The following AGBL5 variants were observed in gnomAD, a reference collection of about 807,000 sequenced individuals.
The protein encoded by AGBL5 is AGBL carboxypeptidase 5.
A neutral mutation model predicts 88.0 loss-of-function variants in AGBL5; 51 were observed. That is an observed-to-expected ratio of 0.58 (90% CI 0.46 to 0.73). AGBL5 has a LOEUF of 0.73. Ranked by LOEUF, AGBL5 falls within the 30% of genes least tolerant of loss-of-function variation. AGBL5 has a pLI of 0.00. For missense variants in AGBL5, 1,031 were observed against 1,162.2 expected, an observed-to-expected ratio of 0.89 and a Z score of 1.64; for synonymous variants, 446 against 438.8, an observed-to-expected ratio of 1.02 and a Z score of -0.21.
chr2:27,069,325 C>A, intron 13 of AGBL5: 1 of 985,398 alleles, frequency 1.0e-6, no homozygotes, highest in Non-Finnish European at 1.2e-6. Flanking sequence ...CATGGTGTAG[C>A]CATGGCGGTT....
chr2:27,050,838 C>T (rs1015681165), upstream of AGBL5, among the ~76,000 whole-genome samples: 4 of 152,308 alleles, frequency 2.6e-5, no homozygotes, highest in Middle Eastern at 3.4e-3. Context: ...CGTGGCAATC[C>T]TTAGGTCGCT....
At chr2:27,070,004 A>G in intron 14 of AGBL5, 88 bp from the exon 15 acceptor site, 1 of 1,537,792 alleles carries the variant, frequency 6.5e-7, no homozygotes, top group East Asian at 2.3e-5. Flanking sequence ...ATCTCGCTCC[A>G]CTTCTTTCAC....
chr2:27,055,149 C>T lies in AGBL5; in HGVS notation c.804C>T (p.Phe268=). 1 of 1,614,224 alleles carries T rather than the reference C, an allele frequency of 6.2e-7. No homozygotes were observed. Among genetic ancestry groups the T allele is most frequent in the Non-Finnish European group, 8.5e-7 (1 of 1,180,032 alleles). ...SSFVFNGFLD[F]ILRPDDPRAQ... is the part of the protein sequence containing the mutation. ...TTGTCTTCAATGGCTTTCTGGACTT[C>T]ATCCTCCGACCTGATGATCCCCGGG... The change falls in exon 6 of 15, where the codon TTC becomes TTT. Residue 268 remains phenylalanine (F), a synonymous_variant. Transcript: ENST00000360131.
chr2:27,070,258 G>A lies in AGBL5; in HGVS notation c.2656G>A (p.Val886Ile), dbSNP rs778560512. The A allele has an allele frequency of 1.2e-6, 2 of 1,614,162 alleles. No individual in the cohort carries two copies. The highest frequency in any genetic ancestry group is 1.7e-5 in the Admixed American group (1 of 60,024). ...KSPPLTVSPR[V>I] ...TCCCCCACTGACTGTTTCTCCCCGG[G>A]TCTGATAATGCCTTTATGTTCAAGC... The change falls in exon 15 of 15, where the codon GTC becomes ATC. Residue 886 changes from valine to isoleucine, a missense_variant. This residue lies in a region of AGBL5 where 491 missense variants were observed against 484.0 expected (regional missense o/e 1.01). Transcript: ENST00000360131.
At chr2:27,069,847 C>T in intron 14 of AGBL5, 141 bp downstream of exon 14, 22 of 1,456,448 alleles carry the variant, frequency 1.5e-5, no homozygotes, top group Non-Finnish European at 2.0e-5. Flanking sequence ...AATCTAGTCC[C>T]TGATTTTTTT....
intron 13 of AGBL5, 120 bp downstream of exon 13, chr2:27,068,864 CAG>C (rs1669127316): frequency 6.6e-7 from 1 of 1,510,416 alleles, no homozygotes; most frequent in South Asian, 1.3e-5. Context: ...TTGGCCACAT[CAG>C]AGAGCTTCTC....
chr2:27,058,322 C>A, intron 9 of AGBL5, 78 bp from the exon 10 acceptor site: 1 of 1,530,770 alleles, frequency 6.5e-7, no homozygotes, highest in Non-Finnish European at 9.0e-7. Context: ...TTCCCTTCCA[C>A]TGTGCTGTGT....
Position 27,070,460 on chromosome 2 carries a change from C to T in AGBL5, c.*197C>T, listed in dbSNP as rs1330347319. ...GGACCTGCCACCCCTTCCCTCCCTC[C>T]GCAGCACAAGATTTTGGGACCACAA... On this transcript the variant is annotated 3_prime_UTR_variant, in exon 15 of 15. Transcript: ENST00000360131. 9 of 555,910 alleles carry T rather than the reference C, an allele frequency of 1.6e-5. No individual in the cohort carries two copies. Among genetic ancestry groups the T allele is most frequent in the Admixed American group, 3.1e-5 (1 of 32,000 alleles). The allele number at this position is 555,910 out of a possible 1,614,324, so 34.4% of individuals were successfully genotyped here.
At position 27,070,283 on chromosome 2, in the gene AGBL5, C is replaced by T. The variant is rs1669223658; in HGVS notation, c.*20C>T. On this transcript the variant is annotated 3_prime_UTR_variant, in exon 15 of 15. Coordinates refer to ENST00000360131, the MANE Select transcript of AGBL5 (RefSeq NM_021831.6). The stretch of plus-strand genomic sequence containing the variant: ...GTCTGATAATGCCTTTATGTTCAAG[C>T]CCAGGATATAGCCCCAAGATGGGGT... 1.2e-6 allele frequency: 2 copies of T among 1,610,462 alleles called. No homozygotes were observed. Among genetic ancestry groups the T allele is most frequent in the Non-Finnish European group, 1.7e-6 (2 of 1,176,702 alleles).
At chr2:27,070,008 C>T (rs1251691220) in intron 14 of AGBL5, 84 bp from the exon 15 acceptor site, 2 of 1,539,638 alleles carry the variant, frequency 1.3e-6, no homozygotes, top group Non-Finnish European at 1.8e-6. Context: ...CGCTCCACTT[C>T]TTTCACTTCC....
In AGBL5 at chr2:27,058,412, A is replaced by C. The variant is rs1348256712; in HGVS notation, c.1684A>C (p.Met562Leu). The change falls in exon 10 of 15, where the codon ATG becomes CTG. Residue 562 changes from methionine to leucine, a missense_variant. By Grantham distance (15) the Met-to-Leu change is conservative. Transcript: ENST00000360131. ...GACTACCCCACAGGTGGGACGAGCTATGGCCATTGCAGCCCTGGACATGGC... is the reference window on the plus strand; with the variant it reads ...GACTACCCCACAGGTGGGACGAGCTCTGGCCATTGCAGCCCTGGACATGGC... Reference protein sequence around the residue: ...VELFEQVGRAMAIAALDMAEC... With the variant: ...VELFEQVGRALAIAALDMAEC... The C allele has an allele frequency of 1.9e-6, 3 of 1,613,140 alleles. No homozygotes were observed. The highest frequency in any genetic ancestry group is 2.2e-5 in the East Asian group (1 of 44,888).
chr2:27,066,085 T>TC, intron 11 of AGBL5, among the ~76,000 whole-genome samples: 1 of 152,036 alleles, frequency 6.6e-6, no homozygotes, highest in African/African-American at 2.4e-5. Flanking sequence ...ATGGTGAGAC[T>TC]CCATCTCCAC....
intron 11 of AGBL5, 22 bp downstream of exon 11, chr2:27,059,426 T>C: frequency 6.2e-7 from 1 of 1,613,672 alleles, no homozygotes; most frequent in East Asian, 2.2e-5. Context: ...TGGGAGCCCC[T>C]GCAACATGTG....
At position 27,056,037 on chromosome 2, in the gene AGBL5, C is replaced by A. The variant is rs187389989; in HGVS notation, c.1264C>A (p.Pro422Thr). Residue 422 changes from proline to threonine, a missense_variant, in exon 7 of 15, where the codon CCC becomes ACC. By Grantham distance (38) the Pro-to-Thr change is conservative. Transcript: ENST00000360131. Reference protein sequence around the residue: ...LEESAPDTIPPKESGVAYYVD... With the variant: ...LEESAPDTIPTKESGVAYYVD... The stretch of plus-strand genomic sequence containing the variant: ...AGAGTCAGCCCCTGATACCATCCCC[C>A]CCAAAGAGAGTGGCGTTGCTTACTA... The A allele has an allele frequency of 1.9e-5, 30 of 1,614,214 alleles. No individual in the cohort carries two copies. Among genetic ancestry groups the A allele is most frequent in the African/African-American group, 2.7e-5 (2 of 75,046 alleles).
chr2:27,065,808 AG>A (rs1482048787), intron 11 of AGBL5, among the ~76,000 whole-genome samples: 1 of 152,238 alleles, frequency 6.6e-6, no homozygotes, highest in African/African-American at 2.4e-5. Context: ...TCACTAGAAA[AG>A]GAAACAGTTC....
rs1572821964 is a variant in AGBL5 at position 27,058,607 on chromosome 2, G to A, written c.1874+5G>A. 1 of 1,613,814 alleles carries A rather than the reference G, an allele frequency of 6.2e-7. No homozygotes were observed. Among genetic ancestry groups the A allele is most frequent in the East Asian group, 2.2e-5 (1 of 44,890 alleles). ...AACTCCACCCAAAAGTCACAAGTAA[G>A]GCCAGCAAAATAGGAGGGAGAAAGG... is the stretch of plus-strand genomic sequence containing the variant. On this transcript the variant is annotated splice_donor_5th_base_variant and intron_variant, in intron 10 of 14. Coordinates refer to ENST00000360131, the MANE Select transcript of AGBL5 (RefSeq NM_021831.6).
intron 8 of AGBL5, 126 bp downstream of exon 8, chr2:27,056,918 C>T (rs886147044): frequency 8.8e-7 from 1 of 1,137,116 alleles, no homozygotes; most frequent in Non-Finnish European, 1.2e-6. Flanking sequence ...ATCGCTTGAA[C>T]CTGGGAGGCA....
At chr2:27,067,986 G>A (rs1466250823) in intron 12 of AGBL5, among the ~76,000 whole-genome samples, 1 of 152,116 alleles carries the variant, frequency 6.6e-6, no homozygotes, top group Non-Finnish European at 1.5e-5. Flanking sequence ...GACAAAACAG[G>A]AGAATGAAAA....
chr2:27,069,266 C>T (rs1461897133), intron 13 of AGBL5: 1 of 985,234 alleles, frequency 1.0e-6, no homozygotes, highest in African/African-American at 1.7e-5. Flanking sequence ...GTCTACCAAC[C>T]CTCCACTATC....
Sources: allele counts gnomAD v4.1 joint callset (sites outside exome capture counted in the v4.1 genomes callset), GRCh38; gene constraint gnomAD v4.1.1; regional missense constraint gnomAD v4.1.1; transcripts MANE v1.5; gene names NCBI Gene and HGNC (gene_info 2026-07-23, HGNC 2026-07-21).